The following CATSPERB variants were observed in gnomAD, a reference collection of about 807,000 sequenced individuals.
The protein encoded by CATSPERB is cation channel sperm-associated auxiliary subunit beta.
CATSPERB carries 93 observed loss-of-function variants against 128.3 expected under a neutral mutation model. That is an observed-to-expected ratio of 0.72 (90% CI 0.61 to 0.86). The LOEUF is 0.86. CATSPERB is among the 40% of genes least tolerant of loss of function. The pLI is 0.00. For missense variants in CATSPERB, 1,153 were observed against 1,329.5 expected, an observed-to-expected ratio of 0.87 and a Z score of 2.06; for synonymous variants, 381 against 448.8, an observed-to-expected ratio of 0.85 and a Z score of 1.91.
chr14:91,696,523 GA>G (rs1895565452), intron 7 of CATSPERB, among the ~76,000 whole-genome samples: 3 of 152,304 alleles, frequency 2.0e-5, no homozygotes, highest in South Asian at 4.1e-4. Flanking sequence ...ATTTGTAGTG[GA>G]AAGAAGATAA....
At chr14:91,720,826 C>A (rs890225257) in intron 4 of CATSPERB, among the ~76,000 whole-genome samples, 1 of 152,104 alleles carries the variant, frequency 6.6e-6, no homozygotes, top group African/African-American at 2.4e-5. Context: ...TGATTTCAAA[C>A]TGTAGTACAA....
intron 17 of CATSPERB, among the ~76,000 whole-genome samples, chr14:91,627,741 G>A (rs950802042): frequency 1.3e-5 from 2 of 152,206 alleles, no homozygotes; most frequent in African/African-American, 2.4e-5. Flanking sequence ...CCTGAGGCAG[G>A]AGGGTTGCTT....
chr14:91,691,445 A>G, intron 10 of CATSPERB, 78 bp downstream of exon 10: 2 of 885,540 alleles, frequency 2.3e-6, no homozygotes, highest in Non-Finnish European at 3.4e-6. Context: ...ATTGTGAATT[A>G]TTGTCTTGCA....
rs868405080 is a variant in CATSPERB at position 91,702,707 on chromosome 14, A to C, written c.616+1845T>G. On this transcript the variant is annotated intron_variant, in intron 7 of 26. Coordinates refer to ENST00000256343, the MANE Select transcript of CATSPERB (RefSeq NM_024764.4). The stretch of plus-strand genomic sequence containing the variant: ...ACACACACACACACACACACACACA[A>C]ACCAAAAACATTGTTATAATTTTTC... Among the ~76,000 whole-genome samples, 303 of 76,128 alleles carry C rather than the reference A, an allele frequency of 4.0e-3. 2 individuals carry two copies. The highest frequency in any genetic ancestry group is 0.012 in the African/African-American group (275 of 22,140). 49.9% of individuals were successfully genotyped at this position (76,128 alleles called of 152,430 possible). A position where few individuals can be genotyped will look rare whatever the true frequency, so the allele number is the denominator to read the frequency against.
At chr14:91,686,326 A>G (rs1206963903) in intron 10 of CATSPERB, among the ~76,000 whole-genome samples, 1 of 152,176 alleles carries the variant, frequency 6.6e-6, no homozygotes. Flanking sequence ...CTGAATAAGC[A>G]TGGAATATAG....
At position 91,581,066 on chromosome 14, in the gene CATSPERB, C is replaced by A. The variant is rs1364666170; in HGVS notation, c.3174G>T (p.Thr1058=). 1 of 1,614,042 alleles carries A rather than the reference C, an allele frequency of 6.2e-7. No individual in the cohort carries two copies. Among genetic ancestry groups the A allele is most frequent in the South Asian group, 1.1e-5 (1 of 91,072 alleles). ...DEAPLPFPGH[T]LIAVATAVVL... ...CTACCGCTGTTGCCACGGCAATAAG[C>A]GTGTGTCCTGGGAATGGCAATGGTG... The change falls in exon 27 of 27, where the codon ACG becomes ACT. Residue 1058 remains threonine, a synonymous_variant. Transcript: ENST00000256343.
chr14:91,719,610 C>T (rs1467090816), intron 4 of CATSPERB, 132 bp from the exon 5 acceptor site: 1 of 606,312 alleles, frequency 1.6e-6, no homozygotes, highest in African/African-American at 1.9e-5. Flanking sequence ...AGAAATTTCA[C>T]TCTTAGGAAT....
chr14:91,603,632 C>G (rs1893646878), intron 22 of CATSPERB, among the ~76,000 whole-genome samples: 1 of 152,164 alleles, frequency 6.6e-6, no homozygotes, highest in African/African-American at 2.4e-5. Flanking sequence ...GCACAGGAAG[C>G]ATGGCAGCAT....
chr14:91,606,320 T>A (rs1893702947), intron 22 of CATSPERB, among the ~76,000 whole-genome samples: 1 of 152,078 alleles, frequency 6.6e-6, no homozygotes, highest in South Asian at 2.1e-4. Context: ...CTCAGCACTT[T>A]GAGAAGCCGA....
At chr14:91,669,722 C>T (rs1020878082) in intron 14 of CATSPERB, 92 bp downstream of exon 14, 2 of 1,239,808 alleles carry the variant, frequency 1.6e-6, no homozygotes, top group African/African-American at 3.1e-5. Flanking sequence ...TCTAGGTCAT[C>T]AGAGAAGCTC....
intron 10 of CATSPERB, among the ~76,000 whole-genome samples, chr14:91,688,139 T>C (rs908411921): frequency 6.6e-6 from 1 of 152,192 alleles, no homozygotes; most frequent in African/African-American, 2.4e-5. Context: ...TAAAGTTCTT[T>C]CTTGAGTATT....
At chr14:91,625,963 A>G (rs1474072334) in intron 17 of CATSPERB, among the ~76,000 whole-genome samples, 2 of 152,226 alleles carry the variant, frequency 1.3e-5, no homozygotes, top group Admixed American at 1.3e-4. Flanking sequence ...TATCTTTACT[A>G]AAAATACAAA....
chr14:91,709,925 C>G (rs1231915505), intron 5 of CATSPERB: 6 of 152,360 alleles, frequency 3.9e-5, no homozygotes. Flanking sequence ...AACTAGCATG[C>G]ACTTCTGTTT....
intron 20 of CATSPERB, among the ~76,000 whole-genome samples, chr14:91,611,146 A>G (rs1326037872): frequency 6.6e-6 from 1 of 152,258 alleles, no homozygotes; most frequent in Non-Finnish European, 1.5e-5. Flanking sequence ...AAACTAAAAA[A>G]TATAGAAAAA....
chr14:91,681,832 T>C (rs907343504), intron 11 of CATSPERB, among the ~76,000 whole-genome samples: 1 of 152,202 alleles, frequency 6.6e-6, no homozygotes, highest in Non-Finnish European at 1.5e-5. Context: ...AAACCCTGGA[T>C]ACATCACACT....
intron 15 of CATSPERB, among the ~76,000 whole-genome samples, chr14:91,646,881 C>A (rs970235473): frequency 6.6e-6 from 1 of 152,188 alleles, no homozygotes; most frequent in Non-Finnish European, 1.5e-5. Context: ...TACTCTTAAT[C>A]AAGAAGTTAC....
rs369943628 is a variant in CATSPERB at position 91,623,611 on chromosome 14, A to C, written c.1930+1209T>G. On this transcript the variant is annotated intron_variant, in intron 18 of 26. Transcript: ENST00000256343. ...CTTGGATGAGTAACAAGCATCTTTA[A>C]GTTTAATATGATCTCTCACTTGATT... is the stretch of plus-strand genomic sequence containing the variant. Among the ~76,000 whole-genome samples, 6 of 152,340 alleles carry C rather than the reference A, an allele frequency of 3.9e-5. No homozygotes were observed. The South Asian group carries it at 6.2e-4, about 16-fold the overall frequency.
chr14:91,603,001 T>C (rs1893633036), intron 22 of CATSPERB, among the ~76,000 whole-genome samples: 1 of 152,248 alleles, frequency 6.6e-6, no homozygotes, highest in South Asian at 2.1e-4. Context: ...CCTCAATTTT[T>C]TTCAACACAT....
intron 17 of CATSPERB, among the ~76,000 whole-genome samples, chr14:91,626,732 G>C (rs1184009119): frequency 5.3e-5 from 8 of 152,058 alleles, no homozygotes; most frequent in Non-Finnish European, 1.0e-4. Flanking sequence ...CCACCCTCCA[G>C]AACTGTAAGA....
Sources: gnomAD v4.1 joint callset for allele counts (sites outside exome capture counted in the v4.1 genomes callset) on GRCh38, gnomAD v4.1.1 for gene constraint, MANE v1.5 for transcripts, NCBI Gene and HGNC (gene_info 2026-07-23, HGNC 2026-07-21) for gene names.